Variants in CCSER1 observed in about 807,000 individuals in gnomAD.
The protein encoded by CCSER1 is serine-rich coiled-coil domain-containing protein 1.
CCSER1 carries 41 observed loss-of-function variants against 82.0 expected under a neutral mutation model. The observed-to-expected ratio is 0.50, with a 90% CI of 0.39 to 0.65. CCSER1 has a LOEUF of 0.65. CCSER1 is among the 30% of genes least tolerant of loss of function. CCSER1 has a pLI of 0.00. For missense variants in CCSER1, 1,119 were observed against 1,064.2 expected, an observed-to-expected ratio of 1.05 and a Z score of -0.72; for synonymous variants, 414 against 383.9, an observed-to-expected ratio of 1.08 and a Z score of -0.92.
intron 1 of CCSER1, among the ~76,000 whole-genome samples, chr4:90,286,218 C>A (rs1212635502): frequency 6.6e-6 from 1 of 151,860 alleles, no homozygotes; most frequent in Non-Finnish European, 1.5e-5. Context: ...TATATTTGTT[C>A]TTCTTTAAAT....
At chr4:91,443,286 T>C (rs1478382388) in intron 10 of CCSER1, among the ~76,000 whole-genome samples, 1 of 152,084 alleles carries the variant, frequency 6.6e-6, no homozygotes, top group Non-Finnish European at 1.5e-5. Flanking sequence ...TGGAATACTA[T>C]GCAGCCATAA....
chr4:90,660,782 A>T (rs1455257250), intron 6 of CCSER1, among the ~76,000 whole-genome samples: 1 of 152,152 alleles, frequency 6.6e-6, no homozygotes. Flanking sequence ...GGAACCTTGT[A>T]CTTTACAGAT....
rs535582050 is a variant in CCSER1, at chr4:90,623,327, C to T, written c.1725-4698C>T. Among the ~76,000 whole-genome samples, 44 of 149,208 alleles carry T rather than the reference C, an allele frequency of 2.9e-4. No homozygotes were observed. The South Asian group carries it at 8.8e-3, about 30-fold the overall frequency. On this transcript the variant is annotated intron_variant, in intron 5 of 10. Coordinates refer to ENST00000509176, the MANE Select transcript of CCSER1 (RefSeq NM_001145065.2). ...GGGATTACAGGCGTGAGCCACTGTG[C>T]CCGGCCAGGATGGCAGGATTTTTTT...
intron 6 of CCSER1, among the ~76,000 whole-genome samples, chr4:90,656,807 A>G (rs1223501074): frequency 6.6e-6 from 1 of 151,968 alleles, no homozygotes. Context: ...ATTTAAATAA[A>G]CTATTCTTTT....
chr4:90,982,633 CAAAA>C (rs70965464), intron 9 of CCSER1, among the ~76,000 whole-genome samples: 1 of 150,536 alleles, frequency 6.6e-6, no homozygotes, highest in Admixed American at 6.6e-5. Context: ...AGCATCTAAA[CAAAA>C]AAAAATTCCT....
At chr4:90,948,523 G>A (rs1276966585) in intron 9 of CCSER1, among the ~76,000 whole-genome samples, 1 of 151,572 alleles carries the variant, frequency 6.6e-6, no homozygotes, top group Non-Finnish European at 1.5e-5. Flanking sequence ...AGTATTATGA[G>A]GCCATGTTTT....
chr4:90,370,987 C>T (rs549175067), intron 3 of CCSER1, among the ~76,000 whole-genome samples: 1 of 152,082 alleles, frequency 6.6e-6, no homozygotes, highest in South Asian at 2.1e-4. Flanking sequence ...TCTAATGCAG[C>T]TCATAAGGCT....
intron 9 of CCSER1, among the ~76,000 whole-genome samples, chr4:91,047,449 C>A (rs1742610188): frequency 6.6e-6 from 1 of 152,046 alleles, no homozygotes; most frequent in Non-Finnish European, 1.5e-5. Context: ...AGCCATATAT[C>A]TTGACTCAGC....
chr4:90,624,285 G>T (rs967992366), intron 5 of CCSER1, among the ~76,000 whole-genome samples: 1 of 152,086 alleles, frequency 6.6e-6, no homozygotes, highest in African/African-American at 2.4e-5. Flanking sequence ...ACATGATCTT[G>T]TATTTTGATA....
intron 6 of CCSER1, among the ~76,000 whole-genome samples, chr4:90,698,091 G>T (rs1169825742): frequency 2.0e-5 from 3 of 152,138 alleles, no homozygotes; most frequent in Non-Finnish European, 4.4e-5. Flanking sequence ...AAATGCTTAG[G>T]TGGAGAGATC....
chr4:91,345,744 T>C (rs1748013027), intron 10 of CCSER1, among the ~76,000 whole-genome samples: 1 of 152,156 alleles, frequency 6.6e-6, no homozygotes, highest in South Asian at 2.1e-4. Flanking sequence ...CTTATATGAA[T>C]TTTGAAATGT....
chr4:91,046,013 C>G (rs1742444190), intron 9 of CCSER1, among the ~76,000 whole-genome samples: 1 of 151,710 alleles, frequency 6.6e-6, no homozygotes, highest in Non-Finnish European at 1.5e-5. Context: ...GGGGGAGCTT[C>G]TGAGCCAGGA....
chr4:91,433,080 T>C (rs1375980103), intron 10 of CCSER1, among the ~76,000 whole-genome samples: 1 of 152,198 alleles, frequency 6.6e-6, no homozygotes, highest in Non-Finnish European at 1.5e-5. Context: ...ATAAGCCACA[T>C]TAATTTACTC....
At chr4:90,687,061 A>C (rs1734938693) in intron 6 of CCSER1, among the ~76,000 whole-genome samples, 1 of 152,304 alleles carries the variant, frequency 6.6e-6, no homozygotes, top group East Asian at 1.9e-4. Flanking sequence ...TGGTAGCAAA[A>C]TACCTTCAGC....
At chr4:90,564,439 T>C (rs1579186329) in intron 5 of CCSER1, among the ~76,000 whole-genome samples, 1 of 152,362 alleles carries the variant, frequency 6.6e-6, no homozygotes, top group African/African-American at 2.4e-5. Context: ...TTATCAGATA[T>C]ATAGTTTACA....
chr4:91,020,574 A>T lies in CCSER1; in HGVS notation c.2173-65376A>T, dbSNP rs1325345160. On this transcript the variant is annotated intron_variant, in intron 9 of 10. Transcript: ENST00000509176. ...TTACTCGGGAGGCTGAGTCAGGAGA[A>T]TGGCGTGAACCCAGAAGGCGGGGCT... is the stretch of plus-strand genomic sequence containing the variant. 2.0e-5 allele frequency among the ~76,000 whole-genome samples: 3 copies of T among 152,252 alleles called. No homozygotes were observed. The East Asian group carries it at 5.8e-4, about 29-fold the overall frequency.
chr4:90,861,928 T>TATATATATATATATATATATATA (rs1561265442), intron 8 of CCSER1, among the ~76,000 whole-genome samples: 14 of 109,374 alleles, frequency 1.3e-4, no homozygotes, highest in African/African-American at 3.9e-4. Flanking sequence ...ATATATATAT[T>TATATATATATATATATATATATA]TTTTTTTTCT....
intron 5 of CCSER1, among the ~76,000 whole-genome samples, chr4:90,492,329 T>C (rs1768174844): frequency 6.6e-6 from 1 of 152,192 alleles, no homozygotes; most frequent in African/African-American, 2.4e-5. Context: ...TATTCTCTAA[T>C]AGTAGTTTGT....
chr4:91,401,026 T>C (rs1233268954), intron 10 of CCSER1, among the ~76,000 whole-genome samples: 2 of 151,890 alleles, frequency 1.3e-5, no homozygotes, highest in Non-Finnish European at 2.9e-5. Flanking sequence ...TCTAATTCAA[T>C]CATCTGTTTT....
Sources: allele counts gnomAD v4.1 joint callset (sites outside exome capture counted in the v4.1 genomes callset), GRCh38; gene constraint gnomAD v4.1.1; transcripts MANE v1.5; gene names NCBI Gene and HGNC (gene_info 2026-07-23, HGNC 2026-07-21).